COL27A1: variants seen among roughly 807,000 people sequenced by gnomAD.
The protein encoded by COL27A1 is collagen alpha-1(XXVII) chain.
In COL27A1, 106 loss-of-function variants were observed where a neutral mutation model predicts 251.3. The observed-to-expected ratio is 0.42, with a 90% CI of 0.36 to 0.50. The LOEUF is 0.50. COL27A1 is among the 20% of genes least tolerant of loss of function. The probability of loss-of-function intolerance (pLI) is 0.00; values close to 1 mark genes in which losing one functional copy is unlikely to be tolerated. For synonymous variants in COL27A1, 1,000 were observed against 986.3 expected, an observed-to-expected ratio of 1.01 and a Z score of -0.26; for missense variants, 2,325 against 2,522.8, an observed-to-expected ratio of 0.92 and a Z score of 1.68.
intron 36 of COL27A1, chr9:114,272,752 G>A (rs1835231793): frequency 6.6e-6 from 1 of 152,186 alleles, no homozygotes. Context: ...TTTTACAAAC[G>A]AGGAAACTTG....
In COL27A1 at chr9:114,206,283, C is replaced by T. The variant is rs779531434; in HGVS notation, c.2255C>T (p.Pro752Leu). The change falls in exon 10 of 61, where the codon CCC becomes CTC. Residue 752 changes from proline (P) to leucine (L), a missense_variant. Around this residue, in one of 4 missense-constraint regions of COL27A1, gnomAD observed 1,183 missense variants for 1,144.1 expected, o/e 1.03. Coordinates refer to ENST00000356083, the MANE Select transcript of COL27A1 (RefSeq NM_032888.4). ...GLPGPVGDPG[P>L]KGSRGYIGLP... Reference sequence around the variant, plus strand: ...CCTGGACCGGTAGGAGATCCCGGCCCCAAAGGCAGCAGGGTAAGTGGTTCC... The same window carrying T: ...CCTGGACCGGTAGGAGATCCCGGCCTCAAAGGCAGCAGGGTAAGTGGTTCC... 1.1e-5 allele frequency: 17 copies of T among 1,614,136 alleles called. No individual in the cohort carries two copies. The highest frequency in any genetic ancestry group is 2.2e-5 in the South Asian group (2 of 91,084).
chr9:114,180,525 T>C (rs554906285), intron 4 of COL27A1, among the ~76,000 whole-genome samples: 1 of 152,320 alleles, frequency 6.6e-6, no homozygotes, highest in Admixed American at 6.5e-5. Context: ...ATCCTGTTTC[T>C]AGACTGGAAA....
At chr9:114,197,300 A>G (rs1288148659) in intron 7 of COL27A1, among the ~76,000 whole-genome samples, 1 of 152,112 alleles carries the variant, frequency 6.6e-6, no homozygotes, top group East Asian at 1.9e-4. Flanking sequence ...CCCATGACAC[A>G]GGGGGCCTTG....
chr9:114,241,532 G>A (rs1029647576), intron 21 of COL27A1, among the ~76,000 whole-genome samples: 1 of 152,234 alleles, frequency 6.6e-6, no homozygotes, highest in Non-Finnish European at 1.5e-5. Context: ...CACCTGGAGA[G>A]TCTCATGGGC....
intron 14 of COL27A1, among the ~76,000 whole-genome samples, chr9:114,230,738 G>C (rs1021363752): frequency 6.6e-6 from 1 of 152,186 alleles, no homozygotes; most frequent in Non-Finnish European, 1.5e-5. Context: ...GACAGATAGA[G>C]AGAAAGCATG....
rs937065463 is a variant in COL27A1, at chr9:114,191,915, G to T, written c.2017-2489G>T. On this transcript the variant is annotated intron_variant, in intron 5 of 60. Transcript: ENST00000356083. Reference sequence around the variant, plus strand: ...GTGTCCAGGGCTTAAGGAGCACACAGTAAATATTAATGCTTATCATCATCA... The same window carrying T: ...GTGTCCAGGGCTTAAGGAGCACACATTAAATATTAATGCTTATCATCATCA... 7.9e-5 allele frequency among the ~76,000 whole-genome samples: 12 copies of T among 152,184 alleles called. No individual in the cohort carries two copies. In the South Asian group the frequency reaches 2.5e-3, roughly 32 times the overall value.
At position 114,240,449 on chromosome 9, in the gene COL27A1, C is replaced by T. The variant is rs940642841; in HGVS notation, c.2797C>T (p.Arg933Ter). The change falls in exon 21 of 61, where the codon CGA becomes TGA. Residue 933 changes from arginine to a stop codon, truncating the protein, a stop_gained. Transcript: ENST00000356083. LOFTEE classifies it high-confidence loss of function. ...PEGMKGKPGARGLPGPRGQLG... is the reference protein window; with the variant it reads ...PEGMKGKPGA Reference sequence around the variant, plus strand: ...TTCTCCCCAGGGTAAGCCTGGAGCCCGAGGCCTGCCGGGACCCCGTGGGCA... The same window carrying T: ...TTCTCCCCAGGGTAAGCCTGGAGCCTGAGGCCTGCCGGGACCCCGTGGGCA... 2.5e-6 allele frequency: 4 copies of T among 1,613,026 alleles called. No homozygotes were observed. Among genetic ancestry groups the T allele is most frequent in the East Asian group, 2.2e-5 (1 of 44,888 alleles).
At chr9:114,231,726 A>G in intron 15 of COL27A1, 96 bp from the exon 16 acceptor site, 2 of 1,242,344 alleles carry the variant, frequency 1.6e-6, no homozygotes, top group Non-Finnish European at 2.4e-6. Context: ...TGGGGGATCT[A>G]GCACGGGGTC....
intron 33 of COL27A1, 121 bp downstream of exon 33, chr9:114,266,739 T>G (rs1260537011): frequency 3.4e-6 from 3 of 881,772 alleles, no homozygotes; most frequent in Non-Finnish European, 5.5e-6. Flanking sequence ...GAGATGGTCA[T>G]GTACCGTGTA....
chr9:114,214,231 G>C (rs1378608290), intron 12 of COL27A1, among the ~76,000 whole-genome samples: 2 of 152,158 alleles, frequency 1.3e-5, no homozygotes, highest in Non-Finnish European at 2.9e-5. Context: ...AGGGTTGGGG[G>C]CTCCTGTCGT....
In COL27A1 at chr9:114,309,321, C is replaced by A; in HGVS notation, c.5279C>A (p.Thr1760Asn). ...NFLHLLSSEVTQHITIHCLNM... is the reference protein window; with the variant it reads ...NFLHLLSSEVNQHITIHCLNM... Reference sequence around the variant, plus strand: ...CTGCACCTGCTAAGCTCCGAGGTGACCCAGCACATCACCATCCACTGCCTT... The same window carrying A: ...CTGCACCTGCTAAGCTCCGAGGTGAACCAGCACATCACCATCCACTGCCTT... The change falls in exon 60 of 61, where the codon ACC becomes AAC. Residue 1760 changes from threonine to asparagine, a missense_variant. Around this residue, in one of 4 missense-constraint regions of COL27A1, gnomAD observed 327 missense variants for 442.8 expected, o/e 0.74. Transcript: ENST00000356083. 1.2e-6 allele frequency: 2 copies of A among 1,614,114 alleles called. No individual in the cohort carries two copies. Among genetic ancestry groups the A allele is most frequent in the Non-Finnish European group, 1.7e-6 (2 of 1,180,028 alleles).
intron 14 of COL27A1, among the ~76,000 whole-genome samples, chr9:114,227,311 G>GC (rs528968739): frequency 1.6e-5 from 2 of 128,952 alleles, no homozygotes; most frequent in Non-Finnish European, 3.2e-5. Context: ...AACCTTGAGT[G>GC]TTTTTTTTTT....
intron 21 of COL27A1, 108 bp from the exon 22 acceptor site, chr9:114,242,079 G>A: frequency 1.0e-6 from 1 of 961,510 alleles, no homozygotes; most frequent in South Asian, 2.1e-5. Context: ...CTTTGTCCAG[G>A]AGGGCTCTCC....
rs375761209 is a variant in COL27A1 at position 114,177,987 on chromosome 9, G to A, written c.1909-304G>A. Among the ~76,000 whole-genome samples, 115 of 152,310 alleles carry A rather than the reference G, an allele frequency of 7.6e-4. 2 individuals carry two copies. In the South Asian group the frequency reaches 0.012, roughly 16 times the overall value. On this transcript the variant is annotated intron_variant, in intron 3 of 60. Transcript: ENST00000356083. ...CAGATAATTCCCCAAGTAAGATAGC[G>A]GTCTTTAAAATAGAGGAAAAGAAGG...
At chr9:114,231,928 G>A (rs1831990926) in intron 16 of COL27A1, 62 bp downstream of exon 16, 30 of 1,533,704 alleles carry the variant, frequency 2.0e-5, no homozygotes, top group Middle Eastern at 1.7e-4. Flanking sequence ...CTCTCCGCCC[G>A]GAGGCTGCTG....
intron 12 of COL27A1, among the ~76,000 whole-genome samples, chr9:114,215,769 CCA>C (rs1480219627): frequency 2.0e-5 from 3 of 152,054 alleles, no homozygotes; most frequent in African/African-American, 7.2e-5. Context: ...TTAAATATTC[CCA>C]CTCTTGATAT....
In COL27A1 at chr9:114,289,310, G is replaced by T. The variant is rs1367697582; in HGVS notation, c.4206+15G>T. On this transcript the variant is annotated intron_variant, in intron 45 of 60. Transcript: ENST00000356083. ...AAGGCGCAGAGGTAAGAGGGCCGGG[G>T]GTTCAGCAGGGAGACTGAGTCCCAG... The T allele has an allele frequency of 3.8e-6, 6 of 1,565,452 alleles. No homozygotes were observed. Among genetic ancestry groups the T allele is most frequent in the Non-Finnish European group, 4.3e-6 (5 of 1,160,838 alleles).
At position 114,168,655 on chromosome 9, in the gene COL27A1, G is replaced by C; in HGVS notation, c.1100G>C (p.Ser367Thr). 3 of 1,614,060 alleles carry C rather than the reference G, an allele frequency of 1.9e-6. No individual in the cohort carries two copies. The highest frequency in any genetic ancestry group is 2.5e-6 in the Non-Finnish European group (3 of 1,179,996). Residue 367 changes from serine to threonine, a missense_variant, in exon 3 of 61, where the codon AGC (serine) becomes ACC (threonine). Physicochemically the swap from Ser to Thr is moderately conservative, Grantham distance 58. This residue lies in a region of COL27A1 where 1,183 missense variants were observed against 1,144.1 expected (regional missense o/e 1.03). Coordinates refer to ENST00000356083, the MANE Select transcript of COL27A1 (RefSeq NM_032888.4). ...QKITATKIPK[S>T]LPTKPSAPST... Reference sequence around the variant, plus strand: ...ATCACAGCCACCAAAATCCCCAAAAGCCTCCCTACCAAGCCTTCGGCCCCT... The same window carrying C: ...ATCACAGCCACCAAAATCCCCAAAACCCTCCCTACCAAGCCTTCGGCCCCT...
In COL27A1 at chr9:114,311,547, G is replaced by C. The variant is rs1019349118; in HGVS notation, c.*852G>C. 5 of 90,396 alleles carry C rather than the reference G, an allele frequency of 5.5e-5. No homozygotes were observed. Among genetic ancestry groups the C allele is most frequent in the Admixed American group, 5.1e-4 (5 of 9,720 alleles). The allele number at this position is 90,396 out of a possible 1,614,324, so 5.6% of individuals were successfully genotyped here. ...AAGGAGGAAAAAAGAAAAGAAAAAA[G>C]GAAAAAAAAAAAAAAAAAGCAAAAC... On this transcript the variant is annotated 3_prime_UTR_variant, in exon 61 of 61. Transcript: ENST00000356083.
Sources: allele counts gnomAD v4.1 joint callset (sites outside exome capture counted in the v4.1 genomes callset), GRCh38; gene constraint gnomAD v4.1.1; regional missense constraint gnomAD v4.1.1; transcripts MANE v1.5; gene names NCBI Gene and HGNC (gene_info 2026-07-23, HGNC 2026-07-21).